Variants in PIK3C2G observed in about 807,000 individuals in gnomAD.
The protein encoded by PIK3C2G is phosphatidylinositol 3-kinase C2 domain-containing subunit gamma.
A neutral mutation model predicts 181.1 loss-of-function variants in PIK3C2G; 168 were observed. The ratio of observed to expected loss-of-function variants is 0.93; its 90% CI spans 0.82 to 1.05. The LOEUF is 1.05. Ranked by LOEUF, PIK3C2G falls within the 50% of genes least tolerant of loss-of-function variation. The pLI, the probability that PIK3C2G is intolerant of heterozygous loss-of-function variation, is 0.00. For missense variants in PIK3C2G, 1,869 were observed against 1,732.8 expected (o/e 1.08, Z -1.40); for synonymous variants, 573 against 592.2 (o/e 0.97, Z 0.47).
intron 23 of PIK3C2G, among the ~76,000 whole-genome samples, chr12:18,503,821 A>C (rs190756138): frequency 6.6e-6 from 1 of 152,342 alleles, no homozygotes; most frequent in Non-Finnish European, 1.5e-5. Context: ...TGCAAAATGC[A>C]AAACAGAGTT....
chr12:18,602,050 G>C (rs1421370362), intron 30 of PIK3C2G, among the ~76,000 whole-genome samples: 1 of 152,158 alleles, frequency 6.6e-6, no homozygotes, highest in Non-Finnish European at 1.5e-5. Context: ...CAGAACTCAG[G>C]GGAGGGCACG....
the PIK3C2G span, among the ~76,000 whole-genome samples, chr12:18,665,739 A>T: frequency 6.6e-6 from 1 of 152,092 alleles, no homozygotes; most frequent in African/African-American, 2.4e-5. Flanking sequence ...GATCGAGACC[A>T]TCCTGGACCA....
intron 16 of PIK3C2G, among the ~76,000 whole-genome samples, chr12:18,416,072 C>CCGT (rs1943876621): frequency 6.6e-6 from 1 of 152,100 alleles, no homozygotes; most frequent in Non-Finnish European, 1.5e-5. Context: ...TGGTGAAACC[C>CCGT]CGTCTCTACT....
intron 15 of PIK3C2G, among the ~76,000 whole-genome samples, chr12:18,397,518 G>T (rs2138103419): frequency 1.3e-5 from 2 of 152,052 alleles, no homozygotes; most frequent in Middle Eastern, 3.4e-3. Flanking sequence ...TAAGAAGATA[G>T]TATATGAAGA....
the PIK3C2G span, among the ~76,000 whole-genome samples, chr12:18,660,678 C>A: frequency 1.1e-3 from 165 of 152,088 alleles, no homozygotes; most frequent in Middle Eastern, 6.8e-3. Flanking sequence ...ACAGATACAG[C>A]AAATTCTGGG....
intron 16 of PIK3C2G, among the ~76,000 whole-genome samples, chr12:18,406,755 C>T (rs1348907648): frequency 1.3e-5 from 2 of 152,098 alleles, no homozygotes; most frequent in East Asian, 3.9e-4. Context: ...ACTTCTTCCT[C>T]TCAGGTGAGA....
At chr12:18,423,130 TGA>T (rs144744234) in intron 17 of PIK3C2G, among the ~76,000 whole-genome samples, 11 of 149,070 alleles carry the variant, frequency 7.4e-5, no homozygotes, top group African/African-American at 2.2e-4. Flanking sequence ...TCTGAAGCTT[TGA>T]GAGAGAGAGA....
chr12:18,352,571 G>A (rs557782756), intron 11 of PIK3C2G, among the ~76,000 whole-genome samples: 11 of 152,362 alleles, frequency 7.2e-5, no homozygotes, highest in South Asian at 2.1e-4. Context: ...TTTGCCATCC[G>A]CAGATGACTT....
chr12:18,284,276 C>G (rs74742870), intron 2 of PIK3C2G, among the ~76,000 whole-genome samples: 4 of 152,226 alleles, frequency 2.6e-5, no homozygotes, highest in African/African-American at 9.6e-5. Flanking sequence ...AATGAAGCTA[C>G]AAAGCCATGT....
At chr12:18,705,304 G>A in the PIK3C2G span, 6 of 1,613,892 alleles carry the variant, frequency 3.7e-6, no homozygotes, top group Admixed American at 1.0e-4. Flanking sequence ...GCACCACTGG[G>A]TAGTCAGATG....
At chr12:18,424,599 C>A in intron 18 of PIK3C2G, 1 of 168,174 alleles carries the variant, frequency 5.9e-6, no homozygotes. Context: ...ATTTCAGTTT[C>A]CCCATAGTTT....
chr12:18,407,325 T>C (rs527247121), intron 16 of PIK3C2G, among the ~76,000 whole-genome samples: 1 of 152,154 alleles, frequency 6.6e-6, no homozygotes, highest in African/African-American at 2.4e-5. Context: ...ATTTTATAAT[T>C]GAAGGACATA....
At position 18,282,225 on chromosome 12, in the gene PIK3C2G, T is replaced by C. The variant is rs994869643; in HGVS notation, c.144T>C (p.Ser48=). 12 of 1,613,524 alleles carry C rather than the reference T, an allele frequency of 7.4e-6. No individual in the cohort carries two copies. Among genetic ancestry groups the C allele is most frequent in the East Asian group, 2.2e-5 (1 of 44,864 alleles). ...LGFDQIVDEI[S]GKIPHYESEI... The stretch of plus-strand genomic sequence containing the variant: ...TTGATCAGATAGTAGATGAGATCAG[T>C]GGCAAAATTCCACACTACGAGAGTG... The change falls in exon 2 of 33, where the codon AGT becomes AGC. Residue 48 remains serine (S), a synonymous_variant. Transcript: ENST00000538779.
chr12:18,305,229 A>T (rs1344529757), intron 5 of PIK3C2G, among the ~76,000 whole-genome samples: 1 of 152,194 alleles, frequency 6.6e-6, no homozygotes, highest in East Asian at 1.9e-4. Context: ...TACTCTGTAT[A>T]TACCTTCACT....
the PIK3C2G span, chr12:18,696,066 C>A: frequency 7.9e-6 from 6 of 754,836 alleles, no homozygotes; most frequent in African/African-American, 7.4e-5. Flanking sequence ...ACAGAAAGCC[C>A]TTTTCACGAG....
chr12:18,302,163 C>T (rs4417356), intron 5 of PIK3C2G, among the ~76,000 whole-genome samples: 67,974 of 152,016 alleles, frequency 0.45, 15,481 homozygotes, highest in Non-Finnish European at 0.5. Context: ...ATTTAGCAGG[C>T]TCAGGTGAAC....
chr12:18,646,790 GATAA>G (rs1207497276), intron 32 of PIK3C2G, among the ~76,000 whole-genome samples: 2 of 152,020 alleles, frequency 1.3e-5, no homozygotes, highest in African/African-American at 4.8e-5. Context: ...CTCCTTTCAT[GATAA>G]ATAACTAATT....
At chr12:18,383,038 A>G (rs916717373) in intron 14 of PIK3C2G, among the ~76,000 whole-genome samples, 2 of 152,230 alleles carry the variant, frequency 1.3e-5, no homozygotes, top group Non-Finnish European at 2.9e-5. Context: ...GCACAATATC[A>G]TAGACACTCC....
the PIK3C2G span, among the ~76,000 whole-genome samples, chr12:18,700,864 A>G: frequency 2.6e-5 from 4 of 152,152 alleles, no homozygotes. Flanking sequence ...TATTATTAAT[A>G]TTGAATCTTG....
Sources: gnomAD v4.1 joint callset for allele counts (sites outside exome capture counted in the v4.1 genomes callset) on GRCh38, gnomAD v4.1.1 for gene constraint, MANE v1.5 for transcripts, NCBI Gene and HGNC (gene_info 2026-07-23, HGNC 2026-07-21) for gene names.